Variants in MYO18B observed in about 807,000 individuals in gnomAD.
MYO18B encodes myosin XVIIIB.
MYO18B carries 204 observed loss-of-function variants against 273.0 expected under a neutral mutation model. That is an observed-to-expected ratio of 0.75 (90% CI 0.67 to 0.84). The LOEUF (loss-of-function observed/expected upper bound fraction) is 0.84. Ranked by LOEUF, MYO18B falls within the 40% of genes least tolerant of loss-of-function variation. The pLI is 0.00. For synonymous variants in MYO18B, 1,330 were observed against 1,305.7 expected (o/e 1.02, Z -0.40); for missense variants, 3,212 against 3,287.6 (o/e 0.98, Z 0.56).
At chr22:25,791,866 G>GT (rs2087676806) in intron 11 of MYO18B, among the ~76,000 whole-genome samples, 1 of 152,218 alleles carries the variant, frequency 6.6e-6, no homozygotes, top group African/African-American at 2.4e-5. Context: ...GATCATATCT[G>GT]TTTTTCAGAA....
chr22:25,952,481 G>A (rs1271544470), intron 38 of MYO18B, 58 bp downstream of exon 38: 2 of 1,595,864 alleles, frequency 1.3e-6, no homozygotes, highest in Non-Finnish European at 1.7e-6. Flanking sequence ...TTTTGTGTAA[G>A]CTTCATCCAT....
At chr22:25,774,072 G>A (rs1459036427) in intron 7 of MYO18B, among the ~76,000 whole-genome samples, 2 of 152,138 alleles carry the variant, frequency 1.3e-5, no homozygotes, top group East Asian at 3.9e-4. Flanking sequence ...CTGCCAACTG[G>A]GGGTGAAAAC....
At chr22:25,922,540 T>C (rs1272825223) in intron 34 of MYO18B, among the ~76,000 whole-genome samples, 1 of 152,204 alleles carries the variant, frequency 6.6e-6, no homozygotes, top group East Asian at 1.9e-4. Flanking sequence ...GTTGTGTCCA[T>C]GCAATTGATG....
At chr22:25,788,604 GA>G (rs541636071) in intron 11 of MYO18B, among the ~76,000 whole-genome samples, 104 of 152,238 alleles carry the variant, frequency 6.8e-4, no homozygotes, top group Non-Finnish European at 1.3e-3. Context: ...ACATATTTAT[GA>G]AAAAAATTAT....
chr22:25,843,291 A>G (rs1476294974), intron 17 of MYO18B, among the ~76,000 whole-genome samples: 1 of 152,214 alleles, frequency 6.6e-6, no homozygotes, highest in Non-Finnish European at 1.5e-5. Context: ...ATAAAACTAA[A>G]TATTTTAAAA....
chr22:26,006,899 C>G (rs545823447), intron 42 of MYO18B, among the ~76,000 whole-genome samples: 1 of 152,142 alleles, frequency 6.6e-6, no homozygotes, highest in African/African-American at 2.4e-5. Flanking sequence ...TGTCTATCTT[C>G]ATGTTACAGA....
intron 12 of MYO18B, among the ~76,000 whole-genome samples, chr22:25,802,776 A>C (rs1330715137): frequency 2.0e-5 from 3 of 147,572 alleles, no homozygotes; most frequent in Admixed American, 1.3e-4. Flanking sequence ...AAAAAAAAAA[A>C]CCCCTATAGC....
intron 21 of MYO18B, among the ~76,000 whole-genome samples, chr22:25,866,020 T>C (rs1171564938): frequency 1.3e-5 from 2 of 152,256 alleles, no homozygotes; most frequent in South Asian, 4.2e-4. Flanking sequence ...TTCCAGGAGG[T>C]TGGAAGATGG....
At chr22:25,991,814 C>A (rs1332869544) in intron 39 of MYO18B, among the ~76,000 whole-genome samples, 1 of 152,182 alleles carries the variant, frequency 6.6e-6, no homozygotes, top group Non-Finnish European at 1.5e-5. Context: ...CCGTAAATGC[C>A]CATCGCGCTT....
chr22:25,781,882 G>A (rs1172131554), intron 10 of MYO18B, 48 bp downstream of exon 10: 1 of 1,297,968 alleles, frequency 7.7e-7, no homozygotes, highest in Non-Finnish European at 1.0e-6. Flanking sequence ...TGCGACAAAG[G>A]GCACATGTTC....
Position 25,895,216 on chromosome 22 carries a change from G to C in MYO18B, c.4604G>C (p.Arg1535Pro). 6.2e-7 allele frequency: 1 copy of C among 1,610,562 alleles called. No individual in the cohort carries two copies. The change falls in exon 28 of 44, where the codon CGT becomes CCT. Residue 1535 changes from arginine to proline, a missense_variant. Arg to Pro is a moderately radical substitution (Grantham distance 103). Coordinates refer to ENST00000335473, the MANE Select transcript of MYO18B (RefSeq NM_032608.7). Reference protein sequence around the residue: ...AQMENEFLRKRLQQCEERLDS... With the variant: ...AQMENEFLRKPLQQCEERLDS... The stretch of plus-strand genomic sequence containing the variant: ...ATGGAGAACGAGTTCCTCAGAAAGC[G>C]TCTGCAGCAATGCGAGGAGAGGCTG...
chr22:25,776,326 C>G (rs1330002779), intron 7 of MYO18B, among the ~76,000 whole-genome samples: 3 of 152,210 alleles, frequency 2.0e-5, no homozygotes, highest in Admixed American at 6.5e-5. Context: ...GGACATGAGA[C>G]TTTCAATGCC....
intron 39 of MYO18B, among the ~76,000 whole-genome samples, chr22:25,966,689 C>T (rs574520723): frequency 9.9e-5 from 15 of 152,280 alleles, no homozygotes; most frequent in East Asian, 3.9e-4. Context: ...GGGGAACCCG[C>T]GGGTATTTCT....
intron 10 of MYO18B, 131 bp from the exon 11 acceptor site, chr22:25,785,291 GGGGCCA>G: frequency 5.7e-6 from 4 of 706,090 alleles, no homozygotes; most frequent in South Asian, 3.7e-5. Flanking sequence ...CAGAGTTAGT[GGGGCCA>G]AGGCCAGGGA....
At chr22:25,777,847 GA>G in intron 8 of MYO18B, 66 bp downstream of exon 8, 1 of 1,438,142 alleles carries the variant, frequency 7.0e-7, no homozygotes, top group Non-Finnish European at 9.4e-7. Flanking sequence ...AGGGGATGCT[GA>G]GCTGCTTTCT....
chr22:25,983,828 A>G (rs971297273), intron 39 of MYO18B, among the ~76,000 whole-genome samples: 3 of 152,214 alleles, frequency 2.0e-5, no homozygotes, highest in Admixed American at 6.5e-5. Context: ...GGGCAGCGCT[A>G]TTGAGGTCTC....
chr22:26,030,548 T>A lies in MYO18B; in HGVS notation c.*118T>A, dbSNP rs1176219834. On this transcript the variant is annotated 3_prime_UTR_variant, in exon 44 of 44. Transcript: ENST00000335473. ...CCAGAGCCAGCCAGCATGGCCACCCTCAAGAGGCGAGATGAGCCCACAGAG... is the reference window on the plus strand; with the variant it reads ...CCAGAGCCAGCCAGCATGGCCACCCACAAGAGGCGAGATGAGCCCACAGAG... The A allele has an allele frequency of 5.5e-6, 1 of 181,932 alleles. No homozygotes were observed. Among genetic ancestry groups the A allele is most frequent in the East Asian group, 1.3e-4 (1 of 7,628 alleles). The allele number at this position is 181,932 out of a possible 1,614,324, so 11.3% of individuals were successfully genotyped here.
In MYO18B at chr22:25,871,793, CAAAAAA is replaced by C. The variant is rs544492185; in HGVS notation, c.3952-2492_3952-2487del. Among the ~76,000 whole-genome samples, 772 of 141,174 alleles carry C rather than the reference CAAAAAA, an allele frequency of 5.5e-3. 6 individuals carry two copies. The highest frequency in any genetic ancestry group is 0.018 in the African/African-American group (681 of 38,664). 92.6% of individuals were successfully genotyped at this position (141,174 alleles called of 152,430 possible). A position where few individuals can be genotyped will look rare whatever the true frequency, so the allele number is the denominator to read the frequency against. ...ATATGCTCTTAAAAGGCAAAAAAAA[CAAAAAA>C]CAAAAAACAAAAAACCAGAGAGAAA... On this transcript the variant is annotated intron_variant, in intron 22 of 43. Coordinates refer to ENST00000335473, the MANE Select transcript of MYO18B (RefSeq NM_032608.7).
intron 12 of MYO18B, among the ~76,000 whole-genome samples, chr22:25,819,831 A>G (rs1183817512): frequency 6.6e-6 from 1 of 151,832 alleles, no homozygotes. Context: ...ACTTCTCTCA[A>G]TTAGATTTTT....
Sources: allele counts gnomAD v4.1 joint callset (sites outside exome capture counted in the v4.1 genomes callset), GRCh38; gene constraint gnomAD v4.1.1; transcripts MANE v1.5; gene names NCBI Gene and HGNC (gene_info 2026-07-23, HGNC 2026-07-21).